Variants in SPATA21 observed in about 807,000 individuals in gnomAD.
SPATA21 encodes the protein spermatogenesis associated 21.
In SPATA21, 47 loss-of-function variants were observed where a neutral mutation model predicts 54.8. The observed-to-expected ratio is 0.86, with a 90% CI of 0.68 to 1.09. The LOEUF (loss-of-function observed/expected upper bound fraction) is 1.09. Ranked by LOEUF, SPATA21 falls within the 50% of genes least tolerant of loss-of-function variation. SPATA21 has a pLI of 0.00. For missense variants in SPATA21, 599 were observed against 596.4 expected (o/e 1.00, Z -0.05); for synonymous variants, 245 against 235.3 (o/e 1.04, Z -0.38).
At chr1:16,422,949 G>A (rs748589680) in intron 3 of SPATA21, among the ~76,000 whole-genome samples, 2 of 152,156 alleles carry the variant, frequency 1.3e-5, no homozygotes, top group Non-Finnish European at 2.9e-5. Context: ...TGGATCACTT[G>A]AAGTCAGGAA....
At chr1:16,404,806 C>T (rs2085575619) in intron 8 of SPATA21, among the ~76,000 whole-genome samples, 161 bp downstream of exon 8, 1 of 152,192 alleles carries the variant, frequency 6.6e-6, no homozygotes, top group South Asian at 2.1e-4. Context: ...CAGACCTCGT[C>T]TCAAACAACA....
chr1:16,425,118 C>A, intron 3 of SPATA21: 1 of 416,176 alleles, frequency 2.4e-6, no homozygotes, highest in Non-Finnish European at 4.8e-6. Context: ...AGGGTTTTAC[C>A]ATGTTGGCCA....
chr1:16,398,938 A>T (rs2100768600), intron 12 of SPATA21, 116 bp from the exon 13 acceptor site: 2 of 1,103,970 alleles, frequency 1.8e-6, no homozygotes, highest in East Asian at 5.2e-5. Context: ...TCCCCTCAGA[A>T]ATGGTGGAAC....
intron 5 of SPATA21, among the ~76,000 whole-genome samples, chr1:16,417,710 C>A (rs1021832705): frequency 2.6e-5 from 4 of 152,130 alleles, no homozygotes; most frequent in Non-Finnish European, 5.9e-5. Context: ...GCTGGGATTA[C>A]AGGCATGAGT....
chr1:16,413,218 C>T (rs1481038921), intron 5 of SPATA21, among the ~76,000 whole-genome samples: 1 of 152,206 alleles, frequency 6.6e-6, no homozygotes, highest in East Asian at 1.9e-4. Context: ...CTACCATTTC[C>T]ACCTCCTGTC....
chr1:16,399,283 G>A, intron 12 of SPATA21, 61 bp downstream of exon 12: 1 of 1,510,000 alleles, frequency 6.6e-7, no homozygotes. Context: ...CATTAGGCCA[G>A]GGGCCTCTTA....
rs12087671 is a variant in SPATA21 at position 16,410,031 on chromosome 1, T to C, written c.157A>G (p.Ile53Val). Residue 53 changes from isoleucine to valine, a missense_variant, in exon 6 of 13, where the codon ATT becomes GTT. By Grantham distance (29) the Ile-to-Val change is conservative. Coordinates refer to ENST00000335496, the MANE Select transcript of SPATA21 (RefSeq NM_198546.1). ...CGGTCTGGCTCCCGCCTCTCTCCAA[T>C]GTCCCTCACCTCCTGGGGACAGGGG... ...GPLPPPEVRD[I>V]GERREPDRAQ... 3 of 1,565,402 alleles carry C rather than the reference T, an allele frequency of 1.9e-6. No individual in the cohort carries two copies. In the South Asian group the frequency reaches 3.7e-5, roughly 19 times the overall value.
At chr1:16,414,477 T>C (rs2085941672) in intron 5 of SPATA21, among the ~76,000 whole-genome samples, 1 of 152,244 alleles carries the variant, frequency 6.6e-6, no homozygotes, top group Non-Finnish European at 1.5e-5. Context: ...TTTGGTATGT[T>C]GTCCTCAATA....
At position 16,409,033 on chromosome 1, in the gene SPATA21, C is replaced by T; in HGVS notation, c.673+85G>A. 1 of 1,428,862 alleles carries T rather than the reference C, an allele frequency of 7.0e-7. No individual in the cohort carries two copies. The highest frequency in any genetic ancestry group is 1.2e-5 in the South Asian group (1 of 85,798). The allele number at this position is 1,428,862 out of a possible 1,614,324, so 88.5% of individuals were successfully genotyped here. On this transcript the variant is annotated intron_variant, in intron 7 of 12. Transcript: ENST00000335496. The surrounding 1 kb of genome is among the most constrained non-coding windows in gnomAD (Gnocchi z 4.1). ...GGCGGCAGCCATGTGATCTGGAAAG[C>T]ACCCCAGTCCGCCCTGCGCCTATAA...
intron 12 of SPATA21, 53 bp from the exon 13 acceptor site, chr1:16,398,875 C>G (rs2085358226): frequency 1.9e-6 from 3 of 1,573,170 alleles, no homozygotes; most frequent in South Asian, 1.2e-5. Flanking sequence ...CTTTCCCTAT[C>G]TGCCAGTATA....
At chr1:16,435,136 T>G (rs1047675758) in intron 1 of SPATA21, among the ~76,000 whole-genome samples, 1 of 152,084 alleles carries the variant, frequency 6.6e-6, no homozygotes, top group Non-Finnish European at 1.5e-5. Context: ...GGATTACAGG[T>G]GTGAGCCACT....
intron 8 of SPATA21, among the ~76,000 whole-genome samples, chr1:16,404,657 A>G (rs2085570172): frequency 6.6e-6 from 1 of 152,152 alleles, no homozygotes; most frequent in African/African-American, 2.4e-5. Context: ...TACAAAAAAT[A>G]AAAAGTTAGC....
intron 3 of SPATA21, chr1:16,425,376 G>A: frequency 1.2e-6 from 1 of 847,794 alleles, no homozygotes; most frequent in South Asian, 1.7e-5. Context: ...GACCTCCTGG[G>A]CTCAAGGGAT....
intron 5 of SPATA21, among the ~76,000 whole-genome samples, chr1:16,417,893 C>T (rs2086060370): frequency 6.6e-6 from 1 of 152,170 alleles, no homozygotes; most frequent in East Asian, 1.9e-4. Flanking sequence ...CTTTCTACTC[C>T]CTGGCTCTGT....
At position 16,434,454 on chromosome 1, in the gene SPATA21, C is replaced by T. The variant is rs867084411; in HGVS notation, c.-186-1530G>A. 3.3e-5 allele frequency among the ~76,000 whole-genome samples: 5 copies of T among 151,874 alleles called. No individual in the cohort carries two copies. In the Middle Eastern group the frequency reaches 0.01, roughly 310 times the overall value. On this transcript the variant is annotated intron_variant, in intron 1 of 12. Transcript: ENST00000335496. Reference sequence around the variant, plus strand: ...CAGACGCATGCCACCATGCCTGGTTCGTCTTAAAAATTTTTTAATTTTAAA... The same window carrying T: ...CAGACGCATGCCACCATGCCTGGTTTGTCTTAAAAATTTTTTAATTTTAAA...
intron 5 of SPATA21, among the ~76,000 whole-genome samples, chr1:16,419,140 G>A (rs1418352232): frequency 6.6e-6 from 1 of 152,214 alleles, no homozygotes; most frequent in Admixed American, 6.5e-5. Context: ...GAGATGGCTG[G>A]CCAGGGAAGG....
chr1:16,404,243 G>A (rs977931764), intron 8 of SPATA21, among the ~76,000 whole-genome samples: 3 of 152,180 alleles, frequency 2.0e-5, no homozygotes, highest in Non-Finnish European at 2.9e-5. Context: ...GCCGAGGTGC[G>A]TGGATCACCT....
At chr1:16,417,655 G>A (rs568316284) in intron 5 of SPATA21, among the ~76,000 whole-genome samples, 9 of 152,010 alleles carry the variant, frequency 5.9e-5, no homozygotes, top group African/African-American at 1.4e-4. Flanking sequence ...AGCTGGTCTC[G>A]AACTCCTGAC....
intron 1 of SPATA21, among the ~76,000 whole-genome samples, chr1:16,435,556 A>G (rs1385036702): frequency 6.6e-6 from 1 of 151,518 alleles, no homozygotes; most frequent in African/African-American, 2.4e-5. Context: ...ACCTCAGGTG[A>G]TCTGCCCACC....
Sources: gnomAD v4.1 joint callset for allele counts (sites outside exome capture counted in the v4.1 genomes callset) on GRCh38, gnomAD v4.1.1 for gene constraint, Gnocchi (gnomAD v3.1) non-coding constraint, MANE v1.5 for transcripts, NCBI Gene and HGNC (gene_info 2026-07-23, HGNC 2026-07-21) for gene names.